The following AGAP1 variants were observed in gnomAD, a reference collection of about 807,000 sequenced individuals.
The protein encoded by AGAP1 is arf-GAP with GTPase, ANK repeat and PH domain-containing protein 1.
Under a neutral mutation model 105.3 loss-of-function variants are expected in AGAP1, and 29 were observed. That is an observed-to-expected ratio of 0.28 (90% CI 0.21 to 0.38). The LOEUF is 0.38. Ranked by LOEUF, AGAP1 falls within the 10% of genes least tolerant of loss-of-function variation. The pLI, the probability that AGAP1 is intolerant of heterozygous loss-of-function variation, is 1.00. For synonymous variants in AGAP1, 509 were observed against 485.9 expected, an observed-to-expected ratio of 1.05 and a Z score of -0.63; for missense variants, 998 against 1,165.1, an observed-to-expected ratio of 0.86 and a Z score of 2.09.
intron 12 of AGAP1, among the ~76,000 whole-genome samples, chr2:235,945,231 T>C (rs2053435439): frequency 6.6e-6 from 1 of 152,108 alleles, no homozygotes; most frequent in Non-Finnish European, 1.5e-5. Context: ...CTCCTGAGTA[T>C]CTGGGGCTAC....
Position 235,635,576 on chromosome 2 carries a change from A to T in AGAP1, c.164-73603A>T, listed in dbSNP as rs185838504. Among the ~76,000 whole-genome samples the T allele has an allele frequency of 6.6e-6, 1 of 152,196 alleles. No homozygotes were observed. The highest frequency in any genetic ancestry group is 1.9e-4 in the East Asian group (1 of 5,170). Reference sequence around the variant, plus strand: ...AACAAGAAGACAGAAGAAAGAACGCACTTTGGTTTTCTTTTGGAAACCTAG... The same window carrying T: ...AACAAGAAGACAGAAGAAAGAACGCTCTTTGGTTTTCTTTTGGAAACCTAG... On this transcript the variant is annotated intron_variant, in intron 1 of 17. Transcript: ENST00000304032. This position sits in a 1 kb window ranked among gnomAD's most constrained non-coding sequence, Gnocchi z 5.3.
At chr2:235,833,947 AT>A (rs564775790) in intron 9 of AGAP1, among the ~76,000 whole-genome samples, 2 of 132,950 alleles carry the variant, frequency 1.5e-5, no homozygotes, top group African/African-American at 6.5e-5. Flanking sequence ...TAAAACTCAC[AT>A]TTTTTTTGTA....
chr2:235,778,677 G>T (rs1337612866), intron 6 of AGAP1, among the ~76,000 whole-genome samples: 1 of 152,222 alleles, frequency 6.6e-6, no homozygotes, highest in Non-Finnish European at 1.5e-5. Flanking sequence ...TGGGAAACTG[G>T]TGATGATAGA....
intron 1 of AGAP1, among the ~76,000 whole-genome samples, chr2:235,565,181 G>A (rs1309316124): frequency 2.0e-5 from 3 of 151,532 alleles, no homozygotes; most frequent in African/African-American, 7.3e-5. Context: ...CCACGGCCAG[G>A]TGTGAGCCAG....
At position 235,728,404 on chromosome 2, in the gene AGAP1, C is replaced by A. The variant is rs141195800; in HGVS notation, c.310+10760C>A. ...CAAAAGATGACAGTTTCATATGATT[C>A]CAATGGCTTAAACTAACAAATTCAT... On this transcript the variant is annotated intron_variant, in intron 3 of 17. Transcript: ENST00000304032. The surrounding 1 kb of genome is among the most constrained non-coding windows in gnomAD (Gnocchi z 4.3). Among the ~76,000 whole-genome samples the A allele has an allele frequency of 6.6e-6, 1 of 152,132 alleles. No individual in the cohort carries two copies. Among genetic ancestry groups the A allele is most frequent in the Non-Finnish European group, 1.5e-5 (1 of 68,008 alleles).
In AGAP1 at chr2:235,712,202, A is replaced by G. The variant is rs1465618760; in HGVS notation, c.222+2965A>G. Reference sequence around the variant, plus strand: ...CACATCTGGCTAATTTTTTATTTTTAGTAGACAAGATTTTACCATGTTGGC... The same window carrying G: ...CACATCTGGCTAATTTTTTATTTTTGGTAGACAAGATTTTACCATGTTGGC... On this transcript the variant is annotated intron_variant, in intron 2 of 17. Coordinates refer to ENST00000304032, the MANE Select transcript of AGAP1 (RefSeq NM_001037131.3). The surrounding 1 kb of genome is among the most constrained non-coding windows in gnomAD (Gnocchi z 6.0). Among the ~76,000 whole-genome samples, 2 of 151,996 alleles carry G rather than the reference A, an allele frequency of 1.3e-5. No individual in the cohort carries two copies.
In AGAP1 at chr2:235,620,868, C is replaced by G. The variant is rs115100323; in HGVS notation, c.164-88311C>G. Among the ~76,000 whole-genome samples, 1 of 152,184 alleles carries G rather than the reference C, an allele frequency of 6.6e-6. No homozygotes were observed. The highest frequency in any genetic ancestry group is 2.1e-4 in the South Asian group (1 of 4,828). ...GTTGTGGGAAGTAATTCCTGAATTGCAGCCCTACAGCTTTTATTGGTGACA... is the reference window on the plus strand; with the variant it reads ...GTTGTGGGAAGTAATTCCTGAATTGGAGCCCTACAGCTTTTATTGGTGACA... On this transcript the variant is annotated intron_variant, in intron 1 of 17. Coordinates refer to ENST00000304032, the MANE Select transcript of AGAP1 (RefSeq NM_001037131.3). This position sits in a 1 kb window ranked among gnomAD's most constrained non-coding sequence, Gnocchi z 4.5.
rs1195887977 is a variant in AGAP1 at position 235,611,998 on chromosome 2, C to A, written c.164-97181C>A. On this transcript the variant is annotated intron_variant, in intron 1 of 17. Coordinates refer to ENST00000304032, the MANE Select transcript of AGAP1 (RefSeq NM_001037131.3). The surrounding 1 kb of genome is among the most constrained non-coding windows in gnomAD (Gnocchi z 5.0). Reference sequence around the variant, plus strand: ...CCCAGCGGCCTCCCTGCTAGGCAGTCCTCCATCAATACTGATGTTAATAAT... The same window carrying A: ...CCCAGCGGCCTCCCTGCTAGGCAGTACTCCATCAATACTGATGTTAATAAT... 6.6e-6 allele frequency among the ~76,000 whole-genome samples: 1 copy of A among 152,152 alleles called. No individual in the cohort carries two copies. The highest frequency in any genetic ancestry group is 1.5e-5 in the Non-Finnish European group (1 of 68,024).
intron 1 of AGAP1, among the ~76,000 whole-genome samples, chr2:235,702,537 T>A (rs544698050): frequency 6.6e-6 from 1 of 152,186 alleles, no homozygotes; most frequent in Non-Finnish European, 1.5e-5. Flanking sequence ...CTTGTTGGTG[T>A]TGTTTGCTGA....
At chr2:235,837,801 A>G (rs111633898) in intron 9 of AGAP1, among the ~76,000 whole-genome samples, 179 of 152,334 alleles carry the variant, frequency 1.2e-3, no homozygotes, top group African/African-American at 4.1e-3. Context: ...TAAATTTATT[A>G]CTGTTAATTC....
chr2:235,770,427 G>A (rs547700413), intron 6 of AGAP1, among the ~76,000 whole-genome samples: 3 of 152,050 alleles, frequency 2.0e-5, no homozygotes, highest in East Asian at 1.9e-4. Flanking sequence ...GAGCCACCAC[G>A]CCTGGCCTCT....
intron 12 of AGAP1, among the ~76,000 whole-genome samples, chr2:235,955,368 A>G (rs1290177047): frequency 3.3e-5 from 5 of 152,114 alleles, no homozygotes; most frequent in Non-Finnish European, 5.9e-5. Flanking sequence ...CACAGCTTGG[A>G]CATCCTTACA....
intron 16 of AGAP1, among the ~76,000 whole-genome samples, chr2:236,102,372 CAT>C (rs2059375670): frequency 7.1e-6 from 1 of 140,690 alleles, no homozygotes; most frequent in Non-Finnish European, 1.5e-5. Context: ...GAGGCGAGAT[CAT>C]GCCACTGCAC....
Position 236,036,355 on chromosome 2 carries a change from TAA to T in AGAP1, c.1646-205_1646-204del, listed in dbSNP as rs2057381609. Among the ~76,000 whole-genome samples the T allele has an allele frequency of 6.6e-6, 1 of 152,210 alleles. No homozygotes were observed. The highest frequency in any genetic ancestry group is 1.5e-5 in the Non-Finnish European group (1 of 68,042). On this transcript the variant is annotated intron_variant, in intron 13 of 17. Transcript: ENST00000304032. This position sits in a 1 kb window ranked among gnomAD's most constrained non-coding sequence, Gnocchi z 5.7. ...CCCTGAGCCTTGATTGAAACCTGGC[TAA>T]GTCATGCTGGCCTTAGGAACCACAT...
At chr2:235,678,288 G>T (rs557886530) in intron 1 of AGAP1, among the ~76,000 whole-genome samples, 1 of 152,306 alleles carries the variant, frequency 6.6e-6, no homozygotes, top group South Asian at 2.1e-4. Flanking sequence ...TGGAAGCCAA[G>T]TTCATTGAAG....
chr2:235,723,929 G>A lies in AGAP1; in HGVS notation c.310+6285G>A, dbSNP rs1173433750. Among the ~76,000 whole-genome samples, 2 of 152,162 alleles carry A rather than the reference G, an allele frequency of 1.3e-5. No individual in the cohort carries two copies. Among genetic ancestry groups the A allele is most frequent in the Admixed American group, 6.5e-5 (1 of 15,276 alleles). On this transcript the variant is annotated intron_variant, in intron 3 of 17. Transcript: ENST00000304032. This position sits in a 1 kb window ranked among gnomAD's most constrained non-coding sequence, Gnocchi z 6.2. ...ATCTGGAAGAAACCCACATCTAGGT[G>A]TGAAAGTGGCAAAAGGAGGGCCGGG...
Position 236,038,848 on chromosome 2 carries a change from T to TGA in AGAP1, c.1801-1902_1801-1901dup, listed in dbSNP as rs2057462360. On this transcript the variant is annotated intron_variant, in intron 14 of 17. Coordinates refer to ENST00000304032, the MANE Select transcript of AGAP1 (RefSeq NM_001037131.3). This position sits in a 1 kb window ranked among gnomAD's most constrained non-coding sequence, Gnocchi z 4.5. Reference sequence around the variant, plus strand: ...GTGTGTGTGTGTGTGTGTGTGTGTGTGATCACACACTTGCATTCCAGATGC... The same window carrying TGA: ...GTGTGTGTGTGTGTGTGTGTGTGTGTGAGATCACACACTTGCATTCCAGATGC... Among the ~76,000 whole-genome samples the TGA allele has an allele frequency of 6.7e-6, 1 of 148,792 alleles. No individual in the cohort carries two copies. Among genetic ancestry groups the TGA allele is most frequent in the South Asian group, 2.2e-4 (1 of 4,644 alleles).
In AGAP1 at chr2:235,872,699, G is replaced by A. The variant is rs191650342; in HGVS notation, c.1051-10646G>A. Among the ~76,000 whole-genome samples the A allele has an allele frequency of 3.5e-3, 535 of 152,298 alleles. No homozygotes were observed. Among genetic ancestry groups the A allele is most frequent in the Non-Finnish European group, 5.0e-3 (341 of 68,032 alleles). Reference sequence around the variant, plus strand: ...ATTGAACATAGAGGAGGCTGTCTGCGCGCTCAGCCCAGACCAGTGGGGGCC... The same window carrying A: ...ATTGAACATAGAGGAGGCTGTCTGCACGCTCAGCCCAGACCAGTGGGGGCC... On this transcript the variant is annotated intron_variant, in intron 9 of 17. Coordinates refer to ENST00000304032, the MANE Select transcript of AGAP1 (RefSeq NM_001037131.3). The surrounding 1 kb of genome is among the most constrained non-coding windows in gnomAD (Gnocchi z 4.5).
At chr2:235,773,574 T>C (rs1239448381) in intron 6 of AGAP1, among the ~76,000 whole-genome samples, 1 of 152,182 alleles carries the variant, frequency 6.6e-6, no homozygotes, top group Non-Finnish European at 1.5e-5. Flanking sequence ...TTTCGTTCGA[T>C]TTAGTTCTAG....
Sources: allele counts gnomAD v4.1 joint callset (sites outside exome capture counted in the v4.1 genomes callset), GRCh38; gene constraint gnomAD v4.1.1; non-coding constraint Gnocchi (gnomAD v3.1); transcripts MANE v1.5; gene names NCBI Gene and HGNC (gene_info 2026-07-23, HGNC 2026-07-21).